CA10: variants seen among roughly 807,000 people sequenced by gnomAD.
CA10 encodes the protein carbonic anhydrase-related protein 10.
In CA10, 14 loss-of-function variants were observed where a neutral mutation model predicts 44.2. The observed-to-expected ratio is 0.32, with a 90% CI of 0.21 to 0.50. The LOEUF (loss-of-function observed/expected upper bound fraction) is 0.50. Ranked by LOEUF, CA10 falls within the 20% of genes least tolerant of loss-of-function variation. CA10 has a pLI of 0.99. For synonymous variants in CA10, 159 were observed against 141.6 expected (o/e 1.12, Z -0.87); for missense variants, 350 against 409.7 (o/e 0.85, Z 1.26).
intron 3 of CA10, among the ~76,000 whole-genome samples, chr17:51,880,929 TTGAG>T (rs763323814): frequency 1.4e-5 from 2 of 142,158 alleles, no homozygotes; most frequent in Admixed American, 7.4e-5. Flanking sequence ...ATTTAATATA[TTGAG>T]TAATTAGAAA....
At chr17:51,657,088 A>T (rs1212425568) in intron 4 of CA10, among the ~76,000 whole-genome samples, 1 of 152,230 alleles carries the variant, frequency 6.6e-6, no homozygotes, top group African/African-American at 2.4e-5. Flanking sequence ...GATGATGGTT[A>T]TTAAGGCAGA....
In CA10 at chr17:51,924,779, C is replaced by A. The variant is rs574190729; in HGVS notation, c.279+6211G>T. 2.6e-5 allele frequency among the ~76,000 whole-genome samples: 4 copies of A among 152,264 alleles called. No individual in the cohort carries two copies. The East Asian group carries it at 7.8e-4, about 30-fold the overall frequency. ...CTGGTCCTCACTCCCTCTCCTCACC[C>A]CTTCCAGACCTGGGGTGGTTATAAA... On this transcript the variant is annotated intron_variant, in intron 3 of 8. Coordinates refer to ENST00000451037, the MANE Select transcript of CA10 (RefSeq NM_020178.5).
intron 3 of CA10, among the ~76,000 whole-genome samples, chr17:51,891,233 G>A (rs1013756311): frequency 1.3e-5 from 2 of 152,178 alleles, no homozygotes; most frequent in Non-Finnish European, 2.9e-5. Context: ...ATTGGGAGGG[G>A]TTGTTGGTAG....
chr17:51,963,948 C>T (rs1478056716), intron 2 of CA10, among the ~76,000 whole-genome samples: 2 of 151,864 alleles, frequency 1.3e-5, no homozygotes, highest in Non-Finnish European at 2.9e-5. Flanking sequence ...GTCTAAACAC[C>T]CCACTTAAAA....
chr17:52,001,548 T>C (rs203048), intron 2 of CA10, among the ~76,000 whole-genome samples: 1 of 151,928 alleles, frequency 6.6e-6, no homozygotes, highest in Non-Finnish European at 1.5e-5. Flanking sequence ...GCAATTAAAG[T>C]ATAAGTAACT....
chr17:51,980,001 G>T (rs1049233611), intron 2 of CA10, among the ~76,000 whole-genome samples: 1 of 152,128 alleles, frequency 6.6e-6, no homozygotes, highest in Non-Finnish European at 1.5e-5. Context: ...TCACATGCAT[G>T]TGTCTTTATG....
chr17:51,945,376 C>A (rs1024654078), intron 2 of CA10, among the ~76,000 whole-genome samples: 1 of 152,104 alleles, frequency 6.6e-6, no homozygotes, highest in Non-Finnish European at 1.5e-5. Context: ...AGACCACAGG[C>A]TTTCCTGTCT....
At chr17:52,053,710 A>AC in intron 2 of CA10, among the ~76,000 whole-genome samples, 1 of 152,172 alleles carries the variant, frequency 6.6e-6, no homozygotes, top group South Asian at 2.1e-4. Context: ...GAAGTCAGGG[A>AC]CCCCGAATGG....
rs555162168 is a variant in CA10 at position 52,140,861 on chromosome 17, A to G, written c.61+16865T>C. ...CAACAATCATCTCTCAGAGCCTGGT[A>G]AAGCTCATTCAGCTTGTTATTTGAG... On this transcript the variant is annotated intron_variant, in intron 1 of 8. Coordinates refer to ENST00000451037, the MANE Select transcript of CA10 (RefSeq NM_020178.5). Among the ~76,000 whole-genome samples the G allele has an allele frequency of 3.9e-5, 6 of 152,266 alleles. No homozygotes were observed. In the South Asian group the frequency reaches 6.2e-4, roughly 16 times the overall value.
chr17:52,138,727 A>C (rs990206001), intron 1 of CA10, among the ~76,000 whole-genome samples: 2 of 152,224 alleles, frequency 1.3e-5, no homozygotes, highest in Non-Finnish European at 2.9e-5. Flanking sequence ...CAGCAGTGGC[A>C]GGAGTCTTTT....
At chr17:51,674,357 T>A (rs547366346) in intron 4 of CA10, among the ~76,000 whole-genome samples, 2 of 152,316 alleles carry the variant, frequency 1.3e-5, no homozygotes, top group African/African-American at 4.8e-5. Flanking sequence ...ACTTGACATG[T>A]CTTAACTGTA....
At position 51,631,531 on chromosome 17, in the gene CA10, C is replaced by G. The variant is rs1386504422; in HGVS notation, c.*53G>C. ...AGAAGGGGGACATTCTAGGTTACGT[C>G]AATTCACAGTTGTAGCATTTCACTG... On this transcript the variant is annotated 3_prime_UTR_variant, in exon 9 of 9. Transcript: ENST00000451037. 2 of 1,514,116 alleles carry G rather than the reference C, an allele frequency of 1.3e-6. No individual in the cohort carries two copies. The highest frequency in any genetic ancestry group is 1.8e-6 in the Non-Finnish European group (2 of 1,090,094). The allele number at this position is 1,514,116 out of a possible 1,614,324, so 93.8% of individuals were successfully genotyped here.
At chr17:51,845,338 G>T (rs1456902594) in intron 3 of CA10, among the ~76,000 whole-genome samples, 13 of 152,148 alleles carry the variant, frequency 8.5e-5, no homozygotes, top group Admixed American at 8.5e-4. Context: ...AGTGGAAGTT[G>T]GCTGTCAAGT....
intron 2 of CA10, among the ~76,000 whole-genome samples, chr17:52,037,678 T>C (rs570234341): frequency 1.3e-5 from 2 of 152,120 alleles, no homozygotes. Context: ...GATCCCCAGA[T>C]GACACTAGAC....
chr17:52,068,031 C>A (rs1987581489), intron 2 of CA10, among the ~76,000 whole-genome samples: 2 of 152,108 alleles, frequency 1.3e-5, no homozygotes, highest in Admixed American at 6.5e-5. Context: ...GTTGGGTAGG[C>A]AGGATTGGTT....
chr17:51,841,185 C>T (rs1025388844), intron 3 of CA10, among the ~76,000 whole-genome samples: 6 of 152,182 alleles, frequency 3.9e-5, no homozygotes, highest in African/African-American at 7.2e-5. Flanking sequence ...GTCCAGACCT[C>T]ACCCTCCCAC....
intron 2 of CA10, among the ~76,000 whole-genome samples, chr17:51,987,135 G>C (rs934693004): frequency 6.6e-6 from 1 of 152,050 alleles, no homozygotes; most frequent in African/African-American, 2.4e-5. Context: ...AGTGGATAAA[G>C]AAACTGTGAT....
intron 4 of CA10, among the ~76,000 whole-genome samples, chr17:51,719,132 C>G (rs1916272431): frequency 6.6e-6 from 1 of 152,156 alleles, no homozygotes. Flanking sequence ...ATCATAAAAT[C>G]TCACACAGTA....
intron 1 of CA10, among the ~76,000 whole-genome samples, chr17:52,077,809 G>T (rs1380300109): frequency 2.0e-5 from 3 of 152,052 alleles, no homozygotes; most frequent in Non-Finnish European, 2.9e-5. Flanking sequence ...CTCTCCACCC[G>T]ATTTCCATTG....
Sources: allele counts gnomAD v4.1 joint callset (sites outside exome capture counted in the v4.1 genomes callset), GRCh38; gene constraint gnomAD v4.1.1; transcripts MANE v1.5; gene names NCBI Gene and HGNC (gene_info 2026-07-23, HGNC 2026-07-21).